Variants in IL22 observed in about 807,000 individuals in gnomAD.
IL22 encodes the protein interleukin-22.
A neutral mutation model predicts 15.5 loss-of-function variants in IL22; 15 were observed. The observed-to-expected ratio is 0.97, with a 90% CI of 0.65 to 1.49. The LOEUF (loss-of-function observed/expected upper bound fraction) is 1.49, where lower values mean the gene tolerates loss of function less well. Ranked by LOEUF, IL22 falls within the 40% of genes most tolerant of loss-of-function variation. IL22 has a pLI of 0.00. For missense variants in IL22, 225 were observed against 215.4 expected, an observed-to-expected ratio of 1.04 and a Z score of -0.28; for synonymous variants, 91 against 82.0, an observed-to-expected ratio of 1.11 and a Z score of -0.60.
At chr12:68,249,814 G>A (rs976748) in intron 5 of IL22, among the ~76,000 whole-genome samples, 129,374 of 152,204 alleles carry the variant, frequency 0.85, 55,652 homozygotes, top group East Asian at 0.99. Flanking sequence ...ATTGTCCTCT[G>A]TATAATACAT....
chr12:68,251,639 C>T, intron 4 of IL22, 61 bp from the exon 5 acceptor site: 2 of 1,200,890 alleles, frequency 1.7e-6, no homozygotes, highest in South Asian at 1.2e-5. Context: ...TGAACCTCCA[C>T]ACCCATGGAG....
At chr12:68,251,401 T>C in intron 5 of IL22, 112 bp downstream of exon 5, 1 of 785,490 alleles carries the variant, frequency 1.3e-6, no homozygotes, top group Admixed American at 1.8e-5. Flanking sequence ...ATCGCCCTGG[T>C]GGTAGGAGAA....
In IL22 at chr12:68,253,488, GGA is replaced by G. The variant is rs774878468; in HGVS notation, c.-42_-41del. The stretch of plus-strand genomic sequence containing the variant: ...ACTCGAGCAACTGGTGACTGGGGAA[GGA>G]GAACCTGGTCGAAGACAACGTGAAG... On this transcript the variant is annotated 5_prime_UTR_variant, in exon 2 of 6. Transcript: ENST00000538666. 2.7e-6 allele frequency: 4 copies of G among 1,479,090 alleles called. No individual in the cohort carries two copies. The highest frequency in any genetic ancestry group is 3.7e-6 in the Non-Finnish European group (4 of 1,093,744). 91.6% of individuals were successfully genotyped at this position (1,479,090 alleles called of 1,614,324 possible). A position where few individuals can be genotyped will look rare whatever the true frequency, so the allele number is the denominator to read the frequency against.
chr12:68,252,862 A>G, intron 2 of IL22, 33 bp from the exon 3 acceptor site: 1 of 1,591,434 alleles, frequency 6.3e-7, no homozygotes. Flanking sequence ...GGGTCTGGAC[A>G]TTGAGCAAAT....
At position 68,248,817 on chromosome 12, in the gene IL22, C is replaced by G. The variant is rs767038089; in HGVS notation, c.522G>C (p.Leu174=). ...GCTCTGGTCAAATGCAGGCATTTCT[C>G]AGAGACATAAACAGCAAATCCAGTT... The part of the protein sequence containing the change: ...IGELDLLFMS[L]RNACI Residue 174 remains leucine (L), a synonymous_variant, in exon 6 of 6, where the codon CTG becomes CTC. Transcript: ENST00000538666. 1 of 1,612,798 alleles carries G rather than the reference C, an allele frequency of 6.2e-7. No homozygotes were observed. The highest frequency in any genetic ancestry group is 1.7e-5 in the Admixed American group (1 of 59,944).
chr12:68,252,879 A>G, intron 2 of IL22, 50 bp from the exon 3 acceptor site: 1 of 1,469,358 alleles, frequency 6.8e-7, no homozygotes, highest in Non-Finnish European at 9.5e-7. Flanking sequence ...AAATAGAAAA[A>G]AAATTTATAC....
At chr12:68,250,319 G>A (rs1210544395) in intron 5 of IL22, among the ~76,000 whole-genome samples, 1 of 152,200 alleles carries the variant, frequency 6.6e-6, no homozygotes, top group Non-Finnish European at 1.5e-5. Context: ...AGCATGCCTT[G>A]TCTGTGGCAT....
chr12:68,251,225 A>C (rs958648546), intron 5 of IL22, among the ~76,000 whole-genome samples: 1 of 152,128 alleles, frequency 6.6e-6, no homozygotes, highest in African/African-American at 2.4e-5. Context: ...GGGATTCAGG[A>C]GACCTGCATT....
chr12:68,248,633 T>C lies in IL22; in HGVS notation c.*166A>G. ...TCTGGTCTTATAAACAAAAGTGGCA[T>C]TGGTTTCCTTTGTAACTAACGCAGG... is the stretch of plus-strand genomic sequence containing the variant. On this transcript the variant is annotated 3_prime_UTR_variant, in exon 6 of 6. Transcript: ENST00000538666. 1 of 594,716 alleles carries C rather than the reference T, an allele frequency of 1.7e-6. No homozygotes were observed. Among genetic ancestry groups the C allele is most frequent in the Admixed American group, 2.8e-5 (1 of 35,230 alleles). The allele number at this position is 594,716 out of a possible 1,614,324, so 36.8% of individuals were successfully genotyped here. A position where few individuals can be genotyped will look rare whatever the true frequency, so the allele number is the denominator to read the frequency against.
Position 68,251,565 on chromosome 12 carries a change from T to TATG in IL22, c.409_410insCAT (p.Asp137delinsAlaTyr). 6.2e-7 allele frequency: 1 copy of TATG among 1,611,808 alleles called. No individual in the cohort carries two copies. Among genetic ancestry groups the TATG allele is most frequent in the Non-Finnish European group, 8.5e-7 (1 of 1,177,956 alleles). On this transcript the variant is annotated protein_altering_variant, in exon 5 of 6. Coordinates refer to ENST00000538666, the MANE Select transcript of IL22 (RefSeq NM_020525.5). ...CACATTCCTCTGGATATGCAGGTCATCACCTTCAATATGCTATAAAACAAT... is the reference window on the plus strand; with the variant it reads ...CACATTCCTCTGGATATGCAGGTCATATGCACCTTCAATATGCTATAAAACAAT...
chr12:68,250,946 A>G (rs2227495), intron 5 of IL22, among the ~76,000 whole-genome samples: 2,533 of 152,304 alleles, frequency 0.017, 71 homozygotes, highest in African/African-American at 0.058. Context: ...AGATATTATG[A>G]TAATTCAAAA....
intron 5 of IL22, among the ~76,000 whole-genome samples, chr12:68,250,695 C>G (rs1413869050): frequency 6.6e-6 from 1 of 152,086 alleles, no homozygotes; most frequent in Non-Finnish European, 1.5e-5. Context: ...TGGTATCATT[C>G]ACTATAGAAA....
Position 68,252,593 on chromosome 12 carries a change from C to T in IL22, c.307G>A (p.Val103Met), listed in dbSNP as rs866382993. Residue 103 changes from valine (V) to methionine (M), a missense_variant, in exon 4 of 6, where the codon GTG (valine) becomes ATG (methionine). Transcript: ENST00000538666. ...AACCTATCAGATTGAGGGAACAGCA[C>T]TTCTTCAAGGGTGAAGTTCAGCACC... ...KQVLNFTLEE[V>M]LFPQSDRFQP... 8.7e-6 allele frequency: 14 copies of T among 1,613,900 alleles called. No homozygotes were observed. Among genetic ancestry groups the T allele is most frequent in the Middle Eastern group, 3.3e-4 (2 of 6,082 alleles).
chr12:68,252,542 G>A lies in IL22; in HGVS notation c.358C>T (p.Pro120Ser), dbSNP rs760918709. The part of the protein sequence containing the change: ...RFQPYMQEVV[P>S]FLARLSNRLS... Reference sequence around the variant, plus strand: ...CTGTTGCTGAGCCTGGCCAGGAAGGGCACCACCTCCTGCATATAAGGCTGG... The same window carrying A: ...CTGTTGCTGAGCCTGGCCAGGAAGGACACCACCTCCTGCATATAAGGCTGG... The change falls in exon 4 of 6, where the codon CCC becomes TCC. Residue 120 changes from proline to serine, a missense_variant. Transcript: ENST00000538666. The A allele has an allele frequency of 5.6e-6, 9 of 1,614,040 alleles. No individual in the cohort carries two copies. In the East Asian group the frequency reaches 1.1e-4, roughly 20 times the overall value.
Position 68,248,792 on chromosome 12 carries a change from G to A in IL22, c.*7C>T. 2 of 1,608,334 alleles carry A rather than the reference G, an allele frequency of 1.2e-6. No individual in the cohort carries two copies. Among genetic ancestry groups the A allele is most frequent in the Non-Finnish European group, 1.7e-6 (2 of 1,175,490 alleles). The stretch of plus-strand genomic sequence containing the variant: ...GGTTAGTTATTCATTTTTCAGCTTT[G>A]CTCTGGTCAAATGCAGGCATTTCTC... On this transcript the variant is annotated 3_prime_UTR_variant, in exon 6 of 6. Transcript: ENST00000538666.
chr12:68,252,515 G>A lies in IL22; in HGVS notation c.385C>T (p.Leu129=). The change falls in exon 4 of 6, where the codon CTA becomes TTA. Residue 129 remains leucine, a synonymous_variant. Transcript: ENST00000538666. ...VPFLARLSNR[L]STCHIEGDDL... ...AGAGCTGAACTTACACATGTGCTTA[G>A]CCTGTTGCTGAGCCTGGCCAGGAAG... 6.2e-7 allele frequency: 1 copy of A among 1,613,898 alleles called. No homozygotes were observed. The highest frequency in any genetic ancestry group is 8.5e-7 in the Non-Finnish European group (1 of 1,179,932).
chr12:68,252,475 G>C, intron 4 of IL22, 29 bp downstream of exon 4: 1 of 1,611,286 alleles, frequency 6.2e-7, no homozygotes, highest in South Asian at 1.1e-5. Flanking sequence ...AGGAGGGGTA[G>C]GTGGGCATAG....
At chr12:68,250,143 C>A (rs540587673) in intron 5 of IL22, among the ~76,000 whole-genome samples, 1 of 152,196 alleles carries the variant, frequency 6.6e-6, no homozygotes, top group Admixed American at 6.5e-5. Context: ...AGCATAATCA[C>A]TCTTCCACAT....
At chr12:68,252,402 C>G (rs1869962330) in intron 4 of IL22, 102 bp downstream of exon 4, 1 of 1,185,158 alleles carries the variant, frequency 8.4e-7, no homozygotes, top group Non-Finnish European at 1.2e-6. Context: ...CTTCTTCCTG[C>G]TAGCTTAGGG....
Sources: allele counts gnomAD v4.1 joint callset (sites outside exome capture counted in the v4.1 genomes callset), GRCh38; gene constraint gnomAD v4.1.1; transcripts MANE v1.5; gene names NCBI Gene and HGNC (gene_info 2026-07-23, HGNC 2026-07-21).